Variants in COX16 observed in about 807,000 individuals in gnomAD.
COX16 encodes cytochrome c oxidase assembly protein COX16 homolog, mitochondrial.
In COX16, 12 loss-of-function variants were observed where a neutral mutation model predicts 15.4. The observed-to-expected ratio is 0.78, with a 90% CI of 0.50 to 1.26. COX16 has a LOEUF of 1.26. COX16 is among the 50% of genes most tolerant of loss of function. The pLI, the probability that COX16 is intolerant of heterozygous loss-of-function variation, is 0.00. For missense variants in COX16, 124 were observed against 127.6 expected, an observed-to-expected ratio of 0.97 and a Z score of 0.14; for synonymous variants, 46 against 41.1, an observed-to-expected ratio of 1.12 and a Z score of -0.46.
intron 3 of COX16, 81 bp downstream of exon 3, chr14:70,329,093 T>C: frequency 7.4e-7 from 1 of 1,342,658 alleles, no homozygotes; most frequent in Non-Finnish European, 1.0e-6. Context: ...CGTAATTTTT[T>C]TCTGTACTAC....
intron 2 of COX16, among the ~76,000 whole-genome samples, chr14:70,329,721 CAAA>C (rs199721497): frequency 1.7e-5 from 2 of 117,966 alleles, no homozygotes; most frequent in Admixed American, 8.7e-5. Context: ...AGATATCTAC[CAAA>C]AAAAAAAAAA....
chr14:70,348,754 T>G (rs532175821), intron 1 of COX16, among the ~76,000 whole-genome samples: 4 of 152,274 alleles, frequency 2.6e-5, no homozygotes, highest in Non-Finnish European at 5.9e-5. Flanking sequence ...AACAAGGTTT[T>G]TTAACTGCAA....
intron 2 of COX16, among the ~76,000 whole-genome samples, chr14:70,339,739 T>G (rs1213831234): frequency 6.6e-6 from 1 of 152,170 alleles, no homozygotes; most frequent in African/African-American, 2.4e-5. Flanking sequence ...TAACTGGAAC[T>G]CAACCTCACC....
At chr14:70,346,677 A>ATT (rs796461945) in intron 1 of COX16, among the ~76,000 whole-genome samples, 2 of 149,896 alleles carry the variant, frequency 1.3e-5, no homozygotes, top group East Asian at 3.9e-4. Context: ...GTAGGCCAGT[A>ATT]TTTTTTTTTT....
chr14:70,346,482 G>A (rs925019496), intron 1 of COX16, among the ~76,000 whole-genome samples: 6 of 152,168 alleles, frequency 3.9e-5, no homozygotes, highest in African/African-American at 1.2e-4. Context: ...CTCTGCAGAG[G>A]ACCCCAATGG....
At chr14:70,356,519 C>T (rs1372215812) in intron 1 of COX16, among the ~76,000 whole-genome samples, 1 of 152,116 alleles carries the variant, frequency 6.6e-6, no homozygotes, top group East Asian at 1.9e-4. Context: ...CTAAGACAAA[C>T]TTGAATTTTA....
chr14:70,341,378 G>A (rs537243768), intron 2 of COX16, among the ~76,000 whole-genome samples: 13 of 152,060 alleles, frequency 8.5e-5, no homozygotes, highest in African/African-American at 3.1e-4. Flanking sequence ...AACTGAATAG[G>A]ACTTTATACT....
chr14:70,334,927 T>C (rs12878711), intron 2 of COX16, among the ~76,000 whole-genome samples: 20 of 152,242 alleles, frequency 1.3e-4, no homozygotes, highest in Non-Finnish European at 2.5e-4. Flanking sequence ...AATTAAAATA[T>C]AACACCCAAG....
intron 1 of COX16, chr14:70,359,075 T>C (rs1887216373): frequency 7.6e-6 from 3 of 396,288 alleles, no homozygotes; most frequent in Non-Finnish European, 1.0e-5. Flanking sequence ...ATTCGTGCAG[T>C]TAAATGGAAT....
chr14:70,351,625 C>A (rs1041757606), intron 1 of COX16, among the ~76,000 whole-genome samples: 1 of 151,906 alleles, frequency 6.6e-6, no homozygotes, highest in African/African-American at 2.4e-5. Flanking sequence ...TTTGGTGTAA[C>A]TTTTTTTAGT....
At chr14:70,356,501 CA>C (rs1459186363) in intron 1 of COX16, among the ~76,000 whole-genome samples, 11 of 152,232 alleles carry the variant, frequency 7.2e-5, no homozygotes, top group African/African-American at 1.9e-4. Context: ...TCTAGCAACA[CA>C]AATGGACTAA....
At chr14:70,346,819 G>T (rs1485105547) in intron 1 of COX16, among the ~76,000 whole-genome samples, 1 of 151,896 alleles carries the variant, frequency 6.6e-6, no homozygotes, top group Non-Finnish European at 1.5e-5. Context: ...TCTGCTCCCT[G>T]CACACCTTTT....
At position 70,340,173 on chromosome 14, in the gene COX16, C is replaced by T. The variant is rs903503235; in HGVS notation, c.141+2485G>A. ...GACGTGGTTTCCCCCATGCTAGTCT[C>T]ATGATAGTAAGTTCTCACAAGATCT... On this transcript the variant is annotated intron_variant, in intron 2 of 3. Transcript: ENST00000389912. Among the ~76,000 whole-genome samples, 7 of 152,286 alleles carry T rather than the reference C, an allele frequency of 4.6e-5. No homozygotes were observed. The South Asian group carries it at 1.5e-3, about 32-fold the overall frequency.
chr14:70,340,719 AGAGT>A (rs1886599152), intron 2 of COX16, among the ~76,000 whole-genome samples: 1 of 152,206 alleles, frequency 6.6e-6, no homozygotes, highest in Non-Finnish European at 1.5e-5. Flanking sequence ...CCACTGCCAG[AGAGT>A]TAGTTCTAAA....
At position 70,359,460 on chromosome 14, in the gene COX16, T is replaced by A. The variant is rs1045546442; in HGVS notation, c.69+59A>T. ...ATTTTACAGATTCCCTCCCAGGTCT[T>A]GATCCTGCCAAGGAGGAGGGTCCCA... On this transcript the variant is annotated intron_variant, in intron 1 of 3. Coordinates refer to ENST00000389912, the MANE Select transcript of COX16 (RefSeq NM_016468.7). 15 of 1,471,820 alleles carry A rather than the reference T, an allele frequency of 1.0e-5. 1 individual carries two copies. The South Asian group carries it at 1.5e-4, about 14-fold the overall frequency. 91.2% of individuals were successfully genotyped at this position (1,471,820 alleles called of 1,614,324 possible). A position where few individuals can be genotyped will look rare whatever the true frequency, so the allele number is the denominator to read the frequency against.
chr14:70,335,124 TAA>T (rs944756492), intron 2 of COX16, among the ~76,000 whole-genome samples: 1 of 152,104 alleles, frequency 6.6e-6, no homozygotes, highest in African/African-American at 2.4e-5. Context: ...TATATAATGA[TAA>T]AAGAGTCAAT....
rs144125886 is a variant in COX16, at chr14:70,343,334, G to T, written c.70-605C>A. Among the ~76,000 whole-genome samples, 166 of 152,282 alleles carry T rather than the reference G, an allele frequency of 1.1e-3. 1 individual carries two copies. The highest frequency in any genetic ancestry group is 3.7e-3 in the African/African-American group (154 of 41,542). ...CAGAATGGAGCTCTCTCAACTTCTG[G>T]TTCTGAGTGCTGCCTGATTCATGAA... On this transcript the variant is annotated intron_variant, in intron 1 of 3. Coordinates refer to ENST00000389912, the MANE Select transcript of COX16 (RefSeq NM_016468.7).
In COX16 at chr14:70,359,573, C is replaced by G; in HGVS notation, c.15G>C (p.Ala5=). 6.2e-7 allele frequency: 1 copy of G among 1,614,052 alleles called. No individual in the cohort carries two copies. The highest frequency in any genetic ancestry group is 8.5e-7 in the Non-Finnish European group (1 of 1,179,978). The change falls in exon 1 of 4, where the codon GCG becomes GCC. Residue 5 remains alanine, a synonymous_variant. Transcript: ENST00000389912. MFAP[A]VMRAFRKNKT... ...TGTTCTTGCGAAAAGCACGCATCAC[C>G]GCGGGTGCAAACATGAGTGAACTCT... is the stretch of plus-strand genomic sequence containing the variant.
chr14:70,341,280 T>C (rs1416812984), intron 2 of COX16, among the ~76,000 whole-genome samples: 1 of 152,192 alleles, frequency 6.6e-6, no homozygotes, highest in Admixed American at 6.5e-5. Flanking sequence ...AAGTACACAT[T>C]TTTTTAAATT....
Sources: gnomAD v4.1 joint callset for allele counts (sites outside exome capture counted in the v4.1 genomes callset) on GRCh38, gnomAD v4.1.1 for gene constraint, MANE v1.5 for transcripts, NCBI Gene and HGNC (gene_info 2026-07-23, HGNC 2026-07-21) for gene names.